The following TTC7B variants were observed in gnomAD, a reference collection of about 807,000 sequenced individuals.
TTC7B encodes the protein tetratricopeptide repeat protein 7B.
TTC7B carries 28 observed loss-of-function variants against 106.8 expected under a neutral mutation model. The observed-to-expected ratio is 0.26, with a 90% confidence interval of 0.19 to 0.36. The LOEUF (loss-of-function observed/expected upper bound fraction) is 0.36, where lower values mean the gene tolerates loss of function less well. Ranked by LOEUF, TTC7B falls within the 10% of genes least tolerant of loss-of-function variation. The pLI is 1.00. For missense variants in TTC7B, 862 were observed against 1,076.4 expected (o/e 0.80, Z 2.79); for synonymous variants, 405 against 430.6 (o/e 0.94, Z 0.74).
intron 1 of TTC7B, among the ~76,000 whole-genome samples, chr14:90,787,750 G>A (rs898734489): frequency 1.3e-4 from 20 of 152,256 alleles, no homozygotes; most frequent in Admixed American, 3.9e-4. Context: ...TCTATGTACT[G>A]GGAAGCCTAA....
chr14:90,603,222 G>A (rs1465393063), intron 17 of TTC7B: 16 of 1,271,556 alleles, frequency 1.3e-5, no homozygotes, highest in South Asian at 9.9e-5. Context: ...GGAGGCCCTC[G>A]GAAGGATTAA....
chr14:90,694,821 TATAC>T (rs1357517789), intron 6 of TTC7B, among the ~76,000 whole-genome samples: 1 of 140,944 alleles, frequency 7.1e-6, no homozygotes, highest in African/African-American at 2.5e-5. Flanking sequence ...GTATATTTTA[TATAC>T]ATATATATGT....
chr14:90,761,132 T>C (rs1246920140), intron 3 of TTC7B, among the ~76,000 whole-genome samples: 1 of 152,196 alleles, frequency 6.6e-6, no homozygotes, highest in Admixed American at 6.5e-5. Flanking sequence ...ATTTAGTTTA[T>C]AGTTTAAATG....
intron 15 of TTC7B, among the ~76,000 whole-genome samples, chr14:90,628,263 C>T (rs928893034): frequency 1.3e-5 from 2 of 152,266 alleles, no homozygotes; most frequent in African/African-American, 4.8e-5. Flanking sequence ...AATAAATACA[C>T]TGTTCTCTCT....
intron 9 of TTC7B, among the ~76,000 whole-genome samples, chr14:90,664,941 GA>G (rs1886352609): frequency 6.6e-6 from 1 of 152,236 alleles, no homozygotes; most frequent in Non-Finnish European, 1.5e-5. Context: ...AGGGGAGAAT[GA>G]GAACCCCTGG....
At chr14:90,806,957 G>C (rs1216529989) in intron 1 of TTC7B, among the ~76,000 whole-genome samples, 1 of 152,092 alleles carries the variant, frequency 6.6e-6, no homozygotes, top group East Asian at 1.9e-4. Flanking sequence ...ACTCACTTGA[G>C]GCCAGACAAG....
intron 4 of TTC7B, among the ~76,000 whole-genome samples, chr14:90,734,255 C>CG (rs1392063094): frequency 7.2e-5 from 11 of 151,918 alleles, no homozygotes; most frequent in Admixed American, 2.0e-4. Context: ...CCCGTCTCTA[C>CG]TAAAAATACA....
At chr14:90,798,338 C>T (rs1261555712) in intron 1 of TTC7B, among the ~76,000 whole-genome samples, 1 of 152,106 alleles carries the variant, frequency 6.6e-6, no homozygotes, top group African/African-American at 2.4e-5. Context: ...TGCTTTAAGG[C>T]ACTAAGCTTT....
At chr14:90,661,740 TTA>T (rs60127723) in intron 9 of TTC7B, among the ~76,000 whole-genome samples, 5,115 of 152,212 alleles carry the variant, frequency 0.034, 108 homozygotes, top group Middle Eastern at 0.075. Flanking sequence ...ACTTAAACAT[TTA>T]TATGTTTAAA....
Position 90,695,545 on chromosome 14 carries a change from C to T in TTC7B, c.732G>A (p.Glu244=). ...NLTRGVGRFR[E]LLRAVETRTT... ...TTCTTGTTTCAACTGCTCTGAGAAG[C>T]TCTCTAAATCTTCCGACTCCTCTTG... The change falls in exon 6 of 20, where the codon GAG becomes GAA. Residue 244 remains glutamate, a synonymous_variant. Coordinates refer to ENST00000328459, the MANE Select transcript of TTC7B (RefSeq NM_001010854.2). The T allele has an allele frequency of 1.3e-6, 2 of 1,598,810 alleles. No homozygotes were observed. Among genetic ancestry groups the T allele is most frequent in the Non-Finnish European group, 1.7e-6 (2 of 1,173,558 alleles).
intron 9 of TTC7B, among the ~76,000 whole-genome samples, chr14:90,659,299 T>TC (rs1456403522): frequency 6.6e-6 from 1 of 151,042 alleles, no homozygotes; most frequent in Non-Finnish European, 1.5e-5. Context: ...GGAGGTGTTT[T>TC]TTTTTAGGAG....
chr14:90,789,157 A>G (rs1891493418), intron 1 of TTC7B, among the ~76,000 whole-genome samples: 1 of 152,150 alleles, frequency 6.6e-6, no homozygotes, highest in African/African-American at 2.4e-5. Context: ...GCTGGAGTGC[A>G]ATGGCACAAT....
rs981388003 is a variant in TTC7B, at chr14:90,549,225, TCTC to T, written c.2311-7639_2311-7637del. On this transcript the variant is annotated intron_variant, in intron 19 of 19. Transcript: ENST00000328459. ...ACCTCACTGGTGGAGTGGGACCCCT[TCTC>T]CTCCAGAGGGAGTGAGGCCCAAAGG... 1.1e-3 allele frequency among the ~76,000 whole-genome samples: 169 copies of T among 152,260 alleles called. 1 individual carries two copies. The highest frequency in any genetic ancestry group is 2.8e-4 in the Non-Finnish European group (19 of 68,022).
chr14:90,641,898 A>C (rs73326850), intron 15 of TTC7B, among the ~76,000 whole-genome samples: 8,837 of 151,838 alleles, frequency 0.058, 340 homozygotes, highest in African/African-American at 0.11. Flanking sequence ...CATACCCTGG[A>C]GTCCAATGCC....
intron 9 of TTC7B, among the ~76,000 whole-genome samples, chr14:90,667,471 GA>G (rs553115362): frequency 1.2e-3 from 189 of 152,278 alleles, no homozygotes; most frequent in African/African-American, 4.4e-3. Context: ...AATTTGGTGA[GA>G]GGGGGTATTA....
At chr14:90,602,713 A>C (rs1361874104) in intron 17 of TTC7B, among the ~76,000 whole-genome samples, 2 of 152,088 alleles carry the variant, frequency 1.3e-5, no homozygotes, top group Non-Finnish European at 2.9e-5. Context: ...AAAAAAAAAA[A>C]AAGCACTGAT....
chr14:90,672,107 C>T (rs889040654), intron 9 of TTC7B, among the ~76,000 whole-genome samples: 1 of 152,308 alleles, frequency 6.6e-6, no homozygotes, highest in Admixed American at 6.5e-5. Context: ...GGAGAGGAGC[C>T]AAGAAGCAGG....
intron 1 of TTC7B, among the ~76,000 whole-genome samples, chr14:90,789,902 A>AGGTCAGAGTCCAAGGAG (rs1566889259): frequency 1.4e-5 from 2 of 141,962 alleles, no homozygotes; most frequent in African/African-American, 2.4e-5. Context: ...TCTCAAAAAA[A>AGGTCAGAGTCCAAGGAG]AAAAAAAAAA....
intron 19 of TTC7B, among the ~76,000 whole-genome samples, chr14:90,549,657 G>C (rs987402287): frequency 1.3e-5 from 2 of 152,188 alleles, no homozygotes; most frequent in African/African-American, 4.8e-5. Flanking sequence ...GTGGAGTGTG[G>C]AGGTTGGGGG....
Sources: allele counts gnomAD v4.1 joint callset (sites outside exome capture counted in the v4.1 genomes callset), GRCh38; gene constraint gnomAD v4.1.1; transcripts MANE v1.5; gene names NCBI Gene and HGNC (gene_info 2026-07-23, HGNC 2026-07-21).